CYBRD1: variants seen among roughly 807,000 people sequenced by gnomAD.
CYBRD1 encodes plasma membrane ascorbate-dependent reductase CYBRD1.
CYBRD1 carries 14 observed loss-of-function variants against 21.9 expected under a neutral mutation model. The ratio of observed to expected loss-of-function variants is 0.64; its 90% CI spans 0.42 to 1.00. CYBRD1 has a LOEUF of 1.00. Ranked by LOEUF, CYBRD1 falls within the 50% of genes least tolerant of loss-of-function variation. The pLI is 0.00. For synonymous variants in CYBRD1, 146 were observed against 136.5 expected, an observed-to-expected ratio of 1.07 and a Z score of -0.48; for missense variants, 328 against 352.5, an observed-to-expected ratio of 0.93 and a Z score of 0.56.
intron 1 of CYBRD1, among the ~76,000 whole-genome samples, chr2:171,538,256 C>T (rs1435112060): frequency 6.6e-6 from 1 of 152,146 alleles, no homozygotes; most frequent in Non-Finnish European, 1.5e-5. Flanking sequence ...AAGAATGAAA[C>T]TCCATCTCAA....
chr2:171,553,996 G>A (rs1574446558), intron 3 of CYBRD1, among the ~76,000 whole-genome samples: 1 of 152,164 alleles, frequency 6.6e-6, no homozygotes, highest in African/African-American at 2.4e-5. Context: ...TCAACGGCCC[G>A]ATAGGGAATC....
At chr2:171,542,672 C>T (rs1220184782) in intron 2 of CYBRD1, among the ~76,000 whole-genome samples, 6 of 152,154 alleles carry the variant, frequency 3.9e-5, no homozygotes, top group South Asian at 2.1e-4. Flanking sequence ...TAAGCCCAGA[C>T]GTTTGAGATC....
chr2:171,554,476 G>A (rs758128079), intron 3 of CYBRD1, 48 bp from the exon 4 acceptor site: 1 of 1,593,452 alleles, frequency 6.3e-7, no homozygotes, highest in Non-Finnish European at 8.6e-7. Flanking sequence ...TGTTTTGCAT[G>A]TTGCTGTATC....
At chr2:171,551,090 G>T in intron 2 of CYBRD1, 1 of 188,966 alleles carries the variant, frequency 5.3e-6, no homozygotes, top group Non-Finnish European at 1.1e-5. Flanking sequence ...CACAGTAGCT[G>T]GGACCACAGA....
chr2:171,534,548 G>A (rs1244297236), intron 1 of CYBRD1, among the ~76,000 whole-genome samples: 14 of 152,146 alleles, frequency 9.2e-5, no homozygotes, highest in Admixed American at 9.2e-4. Context: ...TTATGCAAAT[G>A]CAACATTTTG....
chr2:171,548,812 A>G (rs1046033394), intron 2 of CYBRD1, among the ~76,000 whole-genome samples: 14 of 151,648 alleles, frequency 9.2e-5, no homozygotes, highest in Non-Finnish European at 1.8e-4. Flanking sequence ...AAAAAAACCA[A>G]CCTCAGGCCA....
In CYBRD1 at chr2:171,532,301, C is replaced by A. The variant is rs564135295; in HGVS notation, c.194-9284C>A. Among the ~76,000 whole-genome samples, 265 of 152,274 alleles carry A rather than the reference C, an allele frequency of 1.7e-3. 4 individuals carry two copies. The highest frequency in any genetic ancestry group is 0.013 in the South Asian group (64 of 4,820). ...GGGAAGGGAAGTGTAATGAGCACAC[C>A]ATGTTTAAGTAGAATTCATAAGTGT... On this transcript the variant is annotated intron_variant, in intron 1 of 3. Transcript: ENST00000321348.
chr2:171,523,126 G>T (rs1697333712), intron 1 of CYBRD1: 1 of 326,046 alleles, frequency 3.1e-6, no homozygotes, highest in Non-Finnish European at 6.1e-6. Flanking sequence ...CAGTCGGGCC[G>T]CTGCAGCCCA....
chr2:171,523,793 C>T (rs983828560), intron 1 of CYBRD1, among the ~76,000 whole-genome samples: 2 of 152,178 alleles, frequency 1.3e-5, no homozygotes, highest in Non-Finnish European at 2.9e-5. Flanking sequence ...TAGCTTTTGG[C>T]GCAAACACCA....
At chr2:171,547,435 CTTTT>C (rs35411294) in intron 2 of CYBRD1, among the ~76,000 whole-genome samples, 16 of 136,974 alleles carry the variant, frequency 1.2e-4, no homozygotes, top group African/African-American at 3.5e-4. Context: ...TTTGGGTGCT[CTTTT>C]TTTTTTTTTT....
intron 2 of CYBRD1, chr2:171,551,016 G>A (rs1007906006): frequency 1.2e-4 from 27 of 232,488 alleles, no homozygotes; most frequent in Admixed American, 2.3e-4. Context: ...GAGTGCAATG[G>A]CACAATCTCA....
At chr2:171,551,294 C>T (rs1007958345) in intron 2 of CYBRD1, among the ~76,000 whole-genome samples, 15 of 152,102 alleles carry the variant, frequency 9.9e-5, no homozygotes, top group African/African-American at 3.6e-4. Flanking sequence ...GGAAGCTTGC[C>T]CTTTGATACT....
At chr2:171,524,356 T>C (rs1697354844) in intron 1 of CYBRD1, among the ~76,000 whole-genome samples, 1 of 152,176 alleles carries the variant, frequency 6.6e-6, no homozygotes, top group Admixed American at 6.5e-5. Flanking sequence ...GCCCTTAAGT[T>C]TGGCCCCGAG....
intron 2 of CYBRD1, among the ~76,000 whole-genome samples, chr2:171,552,041 C>T (rs1683383935): frequency 6.6e-6 from 1 of 152,086 alleles, no homozygotes; most frequent in African/African-American, 2.4e-5. Context: ...CCTTCTAGAT[C>T]TGAGTCATGT....
intron 3 of CYBRD1, among the ~76,000 whole-genome samples, chr2:171,554,024 C>G (rs564321800): frequency 6.6e-6 from 1 of 152,120 alleles, no homozygotes; most frequent in Middle Eastern, 3.2e-3. Flanking sequence ...GTCCAAATAG[C>G]CCCTAGAGGT....
intron 1 of CYBRD1, among the ~76,000 whole-genome samples, chr2:171,528,163 G>A (rs953004061): frequency 2.0e-5 from 3 of 152,002 alleles, no homozygotes; most frequent in African/African-American, 4.8e-5. Flanking sequence ...TGAGCTCACC[G>A]CAAACTCTGC....
At chr2:171,525,629 G>A (rs779589073) in intron 1 of CYBRD1, among the ~76,000 whole-genome samples, 5 of 152,118 alleles carry the variant, frequency 3.3e-5, no homozygotes, top group Non-Finnish European at 5.9e-5. Flanking sequence ...CTCTAACAAA[G>A]AACACGATGT....
chr2:171,535,720 C>T (rs1697534714), intron 1 of CYBRD1, among the ~76,000 whole-genome samples: 1 of 152,138 alleles, frequency 6.6e-6, no homozygotes, highest in Non-Finnish European at 1.5e-5. Context: ...CTCACTACAA[C>T]CTCCACCTCC....
At chr2:171,551,923 G>A (rs960191319) in intron 2 of CYBRD1, among the ~76,000 whole-genome samples, 1 of 152,064 alleles carries the variant, frequency 6.6e-6, no homozygotes, top group African/African-American at 2.4e-5. Context: ...TGATTAATAA[G>A]TTTTGTTTCT....
Sources: gnomAD v4.1 joint callset for allele counts (sites outside exome capture counted in the v4.1 genomes callset) on GRCh38, gnomAD v4.1.1 for gene constraint, MANE v1.5 for transcripts, NCBI Gene and HGNC (gene_info 2026-07-23, HGNC 2026-07-21) for gene names.